LONP2: variants seen among roughly 807,000 people sequenced by gnomAD.
The protein encoded by LONP2 is lon peptidase 2, peroxisomal.
A neutral mutation model predicts 85.6 loss-of-function variants in LONP2; 60 were observed. That is an observed-to-expected ratio of 0.70 (90% CI 0.57 to 0.87). The LOEUF (loss-of-function observed/expected upper bound fraction) is 0.87, where lower values mean the gene tolerates loss of function less well. LONP2 is among the 40% of genes least tolerant of loss of function. The pLI is 0.00. For missense variants in LONP2, 860 were observed against 1,063.5 expected (o/e 0.81, Z 2.66); for synonymous variants, 395 against 389.7 (o/e 1.01, Z -0.16).
intron 11 of LONP2, among the ~76,000 whole-genome samples, chr16:48,313,767 T>C (rs1973084012): frequency 1.3e-5 from 2 of 152,248 alleles, no homozygotes; most frequent in Non-Finnish European, 2.9e-5. Context: ...TTTGCTATTG[T>C]GAATAGTGCT....
chr16:48,361,487 C>T (rs1005112359), downstream of LONP2: 2 of 1,302,266 alleles, frequency 1.5e-6, no homozygotes, highest in African/African-American at 1.5e-5. Context: ...CTTCCACCTA[C>T]CGAAAGAGTT....
chr16:48,253,030 AT>A (rs1230455857), intron 2 of LONP2, among the ~76,000 whole-genome samples: 1 of 152,176 alleles, frequency 6.6e-6, no homozygotes, highest in Non-Finnish European at 1.5e-5. Flanking sequence ...ATCTATGAGG[AT>A]CAGATAATGT....
At chr16:48,253,977 A>G (rs539172663) in intron 2 of LONP2, among the ~76,000 whole-genome samples, 71 of 152,264 alleles carry the variant, frequency 4.7e-4, no homozygotes, top group Middle Eastern at 6.8e-3. Flanking sequence ...CATTAAAGTT[A>G]TTTCCAATTA....
chr16:48,256,142 GA>G (rs1215529479), intron 2 of LONP2, among the ~76,000 whole-genome samples: 1 of 152,156 alleles, frequency 6.6e-6, no homozygotes, highest in East Asian at 1.9e-4. Context: ...GAGATTTAAA[GA>G]ATAAGGATCT....
At chr16:48,287,062 T>C (rs547936582) in intron 8 of LONP2, among the ~76,000 whole-genome samples, 166 of 152,366 alleles carry the variant, frequency 1.1e-3, no homozygotes, top group African/African-American at 3.7e-3. Context: ...GTTTGTTTAG[T>C]GGTCAGCTAG....
chr16:48,254,217 C>T (rs1971709928), intron 2 of LONP2, among the ~76,000 whole-genome samples: 1 of 152,196 alleles, frequency 6.6e-6, no homozygotes, highest in Admixed American at 6.5e-5. Context: ...TTGTCTTGGG[C>T]CTATCTGTCT....
At chr16:48,267,002 G>A (rs1338488524) in intron 6 of LONP2, among the ~76,000 whole-genome samples, 1 of 152,036 alleles carries the variant, frequency 6.6e-6, no homozygotes, top group Non-Finnish European at 1.5e-5. Flanking sequence ...GTGAACTGTG[G>A]TAGTAAATTT....
intron 1 of LONP2, among the ~76,000 whole-genome samples, chr16:48,246,382 G>A (rs1160337681): frequency 6.6e-6 from 1 of 152,058 alleles, no homozygotes; most frequent in Admixed American, 6.6e-5. Flanking sequence ...TGCCTTCTGT[G>A]CCCAGGCACA....
intron 11 of LONP2, among the ~76,000 whole-genome samples, chr16:48,319,732 A>G (rs1213847144): frequency 1.3e-5 from 2 of 152,116 alleles, no homozygotes; most frequent in African/African-American, 4.8e-5. Flanking sequence ...TTTTATACCC[A>G]TCACTATTGC....
chr16:48,300,319 A>G (rs1972776686), intron 10 of LONP2, among the ~76,000 whole-genome samples: 1 of 152,236 alleles, frequency 6.6e-6, no homozygotes, highest in African/African-American at 2.4e-5. Context: ...ACAATAGAGA[A>G]GGTGCCTTCC....
chr16:48,287,976 T>C (rs1972482266), intron 8 of LONP2, among the ~76,000 whole-genome samples: 1 of 152,194 alleles, frequency 6.6e-6, no homozygotes, highest in Admixed American at 6.5e-5. Flanking sequence ...ATGCTTCTGA[T>C]ACTTGTATTT....
At position 48,354,095 on chromosome 16, in the gene LONP2, TTA is replaced by T. The variant is rs1960246403; in HGVS notation, c.*2294_*2295del. ...TTTTTTTTTTGGGGGGGGTGGGGGG[TTA>T]GGGGTGGGGCGGGTGGGGAAGAGCC... On this transcript the variant is annotated 3_prime_UTR_variant, in exon 15 of 15. Transcript: ENST00000285737. The T allele has an allele frequency of 1.8e-4, 1 of 5,668 alleles. No homozygotes were observed. The highest frequency in any genetic ancestry group is 3.0e-4 in the Non-Finnish European group (1 of 3,300). 0.4% of individuals were successfully genotyped at this position (5,668 alleles called of 1,614,324 possible).
chr16:48,347,482 C>T lies in LONP2; in HGVS notation c.1939-25C>T, dbSNP rs374235649. On this transcript the variant is annotated intron_variant, in intron 12 of 14. Transcript: ENST00000285737. ...TCACCTTTAGCATTTGCCAACCCAACTCTGATCATTCTTCTTCTTTCAAGG... is the reference window on the plus strand; with the variant it reads ...TCACCTTTAGCATTTGCCAACCCAATTCTGATCATTCTTCTTCTTTCAAGG... 341 of 1,613,366 alleles carry T rather than the reference C, an allele frequency of 2.1e-4. 1 individual carries two copies. Among genetic ancestry groups the T allele is most frequent in the Non-Finnish European group, 2.6e-4 (304 of 1,179,412 alleles).
At chr16:48,361,807 T>C (rs1331334425), downstream of LONP2, 3 of 1,614,078 alleles carry the variant, frequency 1.9e-6, no homozygotes, top group Non-Finnish European at 1.7e-6. Flanking sequence ...AGCTGTACGA[T>C]TGCGAAGAAC....
At position 48,311,064 on chromosome 16, in the gene LONP2, C is replaced by T. The variant is rs190947957; in HGVS notation, c.1795+7759C>T. On this transcript the variant is annotated intron_variant, in intron 11 of 14. Transcript: ENST00000285737. ...AGTTTCCTGTATAAGTGACTAGACA[C>T]TTTTACTGTATTTAGGGATTTTCCC... Among the ~76,000 whole-genome samples, 332 of 152,280 alleles carry T rather than the reference C, an allele frequency of 2.2e-3. 2 individuals carry two copies. Among genetic ancestry groups the T allele is most frequent in the Non-Finnish European group, 4.0e-3 (272 of 68,034 alleles).
rs540359467 is a variant in LONP2, at chr16:48,284,472, C to G, written c.1383+6993C>G. 3.3e-5 allele frequency among the ~76,000 whole-genome samples: 5 copies of G among 152,172 alleles called. No homozygotes were observed. The South Asian group carries it at 8.3e-4, about 25-fold the overall frequency. On this transcript the variant is annotated intron_variant, in intron 8 of 14. Transcript: ENST00000285737. ...AAATCGCCACAGCCACCCTAACTTTCAGCAGCCACCACCTGATCAGTCATC... is the reference window on the plus strand; with the variant it reads ...AAATCGCCACAGCCACCCTAACTTTGAGCAGCCACCACCTGATCAGTCATC...
intron 11 of LONP2, among the ~76,000 whole-genome samples, chr16:48,331,809 G>A (rs561204290): frequency 4.6e-5 from 7 of 152,076 alleles, no homozygotes; most frequent in Admixed American, 3.3e-4. Flanking sequence ...CGTGATCCAC[G>A]CGCCTCGGCC....
intron 8 of LONP2, among the ~76,000 whole-genome samples, chr16:48,294,877 T>G (rs1972635341): frequency 6.6e-6 from 1 of 152,236 alleles, no homozygotes; most frequent in African/African-American, 2.4e-5. Context: ...TTTTATTGCC[T>G]TTTTGAATAT....
intron 2 of LONP2, among the ~76,000 whole-genome samples, chr16:48,254,492 T>C (rs550763726): frequency 1.3e-4 from 20 of 152,168 alleles, no homozygotes; most frequent in Middle Eastern, 6.8e-3. Context: ...GCCTCCCAAG[T>C]AGCTGGCATT....
Sources: gnomAD v4.1 joint callset for allele counts (sites outside exome capture counted in the v4.1 genomes callset) on GRCh38, gnomAD v4.1.1 for gene constraint, MANE v1.5 for transcripts, NCBI Gene and HGNC (gene_info 2026-07-23, HGNC 2026-07-21) for gene names.